Variants in ENTREP2 observed in about 807,000 individuals in gnomAD.
ENTREP2 encodes the protein protein ENTREP2.
the ENTREP2 span, among the ~76,000 whole-genome samples, chr15:29,524,831 T>C: frequency 4.6e-5 from 7 of 152,188 alleles, no homozygotes; most frequent in African/African-American, 1.2e-4. Context: ...GAGTGTGCAG[T>C]TGCAAGATTT....
At chr15:29,432,989 T>C in the ENTREP2 span, among the ~76,000 whole-genome samples, 6 of 152,212 alleles carry the variant, frequency 3.9e-5, no homozygotes, top group African/African-American at 1.2e-4. Context: ...TTTATCATGG[T>C]GTAAGGCTCC....
the ENTREP2 span, among the ~76,000 whole-genome samples, chr15:29,426,705 T>C: frequency 9.2e-5 from 14 of 152,352 alleles, no homozygotes; most frequent in African/African-American, 2.9e-4. Flanking sequence ...ATGTGGCACC[T>C]CTCAGATCTC....
the ENTREP2 span, among the ~76,000 whole-genome samples, chr15:29,482,391 T>C: frequency 3.9e-5 from 6 of 152,198 alleles, no homozygotes; most frequent in Admixed American, 3.9e-4. Flanking sequence ...GGGTTCACTC[T>C]TGGTGTTGTA....
At chr15:29,599,060 G>A in the ENTREP2 span, among the ~76,000 whole-genome samples, 1 of 152,184 alleles carries the variant, frequency 6.6e-6, no homozygotes, top group Non-Finnish European at 1.5e-5. Context: ...TGCAGGGAAT[G>A]TTCATCCTTT....
At chr15:29,306,008 G>C in the ENTREP2 span, among the ~76,000 whole-genome samples, 2 of 152,234 alleles carry the variant, frequency 1.3e-5, no homozygotes, top group African/African-American at 4.8e-5. Context: ...AAGCCACATG[G>C]AGCATGTGTT....
At chr15:29,208,950 T>C in the ENTREP2 span, among the ~76,000 whole-genome samples, 1 of 152,188 alleles carries the variant, frequency 6.6e-6, no homozygotes, top group African/African-American at 2.4e-5. Flanking sequence ...ATGATTCTAT[T>C]TATAAAGCTG....
At chr15:29,371,026 TTGTCATCATCATCATCATCATCATC>T in the ENTREP2 span, among the ~76,000 whole-genome samples, 2 of 149,984 alleles carry the variant, frequency 1.3e-5, no homozygotes, top group Non-Finnish European at 2.9e-5. Flanking sequence ...ATTACTGTCG[TTGTCATCATCATCATCATCATCATC>T]TGTCATCATC....
At chr15:29,346,287 G>A in the ENTREP2 span, among the ~76,000 whole-genome samples, 1 of 152,222 alleles carries the variant, frequency 6.6e-6, no homozygotes, top group Non-Finnish European at 1.5e-5. Flanking sequence ...TGCTCTGAGA[G>A]AGAGGGTTTG....
At chr15:29,205,823 T>A in the ENTREP2 span, among the ~76,000 whole-genome samples, 1 of 152,236 alleles carries the variant, frequency 6.6e-6, no homozygotes, top group Non-Finnish European at 1.5e-5. Context: ...TGAATACTTG[T>A]AGGTTTCCAT....
At chr15:29,657,860 G>T in the ENTREP2 span, among the ~76,000 whole-genome samples, 1 of 152,020 alleles carries the variant, frequency 6.6e-6, no homozygotes, top group African/African-American at 2.4e-5. Context: ...TATAGTGTGT[G>T]TATGTATATA....
chr15:29,377,550 G>A, the ENTREP2 span, among the ~76,000 whole-genome samples: 4 of 152,048 alleles, frequency 2.6e-5, no homozygotes, highest in Non-Finnish European at 4.4e-5. Context: ...ACGGCCAGGC[G>A]CAGTGGCTTA....
chr15:29,158,945 TTAA>T, the ENTREP2 span, among the ~76,000 whole-genome samples: 650 of 152,318 alleles, frequency 4.3e-3, 1 homozygote, highest in Non-Finnish European at 6.6e-3. Context: ...GTTATGGATA[TTAA>T]TAATAAGATT....
chr15:29,507,922 T>C, the ENTREP2 span, among the ~76,000 whole-genome samples: 16 of 151,714 alleles, frequency 1.1e-4, no homozygotes, highest in African/African-American at 2.2e-4. Flanking sequence ...CTGAAGGAGA[T>C]AGAGACATGA....
At chr15:29,234,150 C>G in the ENTREP2 span, 4 of 1,571,658 alleles carry the variant, frequency 2.5e-6, no homozygotes, top group Non-Finnish European at 3.5e-6. Context: ...CCATGTCATT[C>G]TCGTTCACTC....
At chr15:29,342,216 T>C in the ENTREP2 span, among the ~76,000 whole-genome samples, 1 of 152,148 alleles carries the variant, frequency 6.6e-6, no homozygotes, top group Non-Finnish European at 1.5e-5. Context: ...CAGGTAACTT[T>C]TGAAGGAACA....
At chr15:29,394,540 T>C in the ENTREP2 span, among the ~76,000 whole-genome samples, 2 of 152,216 alleles carry the variant, frequency 1.3e-5, no homozygotes, top group Non-Finnish European at 2.9e-5. Flanking sequence ...ATTAGGGTTT[T>C]AAAAAATTAT....
At chr15:29,514,788 T>C in the ENTREP2 span, among the ~76,000 whole-genome samples, 1 of 152,220 alleles carries the variant, frequency 6.6e-6, no homozygotes, top group Non-Finnish European at 1.5e-5. Flanking sequence ...AGCACAGGGC[T>C]GTTGGGACCA....
chr15:29,249,385 C>T, the ENTREP2 span, among the ~76,000 whole-genome samples: 1 of 152,124 alleles, frequency 6.6e-6, no homozygotes, highest in Non-Finnish European at 1.5e-5. Context: ...GTGGATAGCA[C>T]ATTTAAATAC....
the ENTREP2 span, among the ~76,000 whole-genome samples, chr15:29,433,954 G>A: frequency 6.6e-6 from 1 of 152,056 alleles, no homozygotes; most frequent in Non-Finnish European, 1.5e-5. Flanking sequence ...CTATGTATTT[G>A]TTGCTGTAAG....
Sources: gnomAD v4.1 joint callset for allele counts (sites outside exome capture counted in the v4.1 genomes callset) on GRCh38, gnomAD v4.1.1 for gene constraint, MANE v1.5 for transcripts, NCBI Gene and HGNC (gene_info 2026-07-23, HGNC 2026-07-21) for gene names.